WDFY2: variants seen among roughly 807,000 people sequenced by gnomAD.
The protein encoded by WDFY2 is WD repeat and FYVE domain containing 2, also known as WD repeat and FYVE domain-containing protein 2.
WDFY2 carries 36 observed loss-of-function variants against 56.4 expected under a neutral mutation model. The ratio of observed to expected loss-of-function variants is 0.64; its 90% confidence interval spans 0.49 to 0.84. The LOEUF (loss-of-function observed/expected upper bound fraction) is 0.84, where lower values mean the gene tolerates loss of function less well. Among genes scored for constraint, WDFY2 ranks in the 40% least tolerant of loss-of-function variants. The pLI is 0.00. For missense variants in WDFY2, 444 were observed against 512.2 expected (o/e 0.87, Z 1.29); for synonymous variants, 176 against 183.7 (o/e 0.96, Z 0.34).
At chr13:51,745,738 TAAAAAAAAAA>T (rs34880965) in intron 7 of WDFY2, among the ~76,000 whole-genome samples, 954 of 86,340 alleles carry the variant, frequency 0.011, 19 homozygotes, top group African/African-American at 0.04. Flanking sequence ...ATCCTTCATT[TAAAAAAAAAA>T]AAAAAAAAAA....
chr13:51,691,411 A>G (rs1216706124), intron 3 of WDFY2, among the ~76,000 whole-genome samples: 1 of 149,864 alleles, frequency 6.7e-6, no homozygotes, highest in South Asian at 2.1e-4. Context: ...AGCTTTCTAC[A>G]TATGGCTAGC....
At chr13:51,707,939 CT>C (rs56054205) in intron 4 of WDFY2, among the ~76,000 whole-genome samples, 1,361 of 57,390 alleles carry the variant, frequency 0.024, 1 homozygote, top group Non-Finnish European at 0.034. Context: ...CCTAAAACAA[CT>C]TTTTTTTTTT....
In WDFY2 at chr13:51,751,423, G is replaced by A. The variant is rs770183297; in HGVS notation, c.831+8G>A. ...GACGTGGAGAGGCAGGAGGTAGGTGGCACAGCAGGGTGGGGTGGGCCCTGT... is the reference window on the plus strand; with the variant it reads ...GACGTGGAGAGGCAGGAGGTAGGTGACACAGCAGGGTGGGGTGGGCCCTGT... On this transcript the variant is annotated splice_region_variant and intron_variant, in intron 8 of 11. Transcript: ENST00000298125. 3.1e-6 allele frequency: 5 copies of A among 1,613,310 alleles called. No homozygotes were observed. The African/African-American group carries it at 4.0e-5, about 13-fold the overall frequency.
At chr13:51,620,475 GGTCTCT>G (rs1217726285) in intron 1 of WDFY2, among the ~76,000 whole-genome samples, 1 of 151,910 alleles carries the variant, frequency 6.6e-6, no homozygotes, top group Non-Finnish European at 1.5e-5. Flanking sequence ...TTCCCCTCTG[GGTCTCT>G]GTCTTATCCT....
At chr13:51,710,710 AC>A (rs1453200075) in intron 4 of WDFY2, among the ~76,000 whole-genome samples, 44 of 152,340 alleles carry the variant, frequency 2.9e-4, no homozygotes, top group African/African-American at 1.0e-3. Flanking sequence ...AGAATAAAAT[AC>A]CTAGGAATCC....
chr13:51,725,286 G>A (rs543466690), intron 5 of WDFY2, among the ~76,000 whole-genome samples: 3 of 152,224 alleles, frequency 2.0e-5, no homozygotes, highest in South Asian at 4.1e-4. Context: ...AGATTTCTTT[G>A]CAACTCTCTT....
Position 51,642,562 on chromosome 13 carries a change from G to T in WDFY2, c.138-18034G>T, listed in dbSNP as rs1027670800. ...ATCCACCGTGGCCTCCCAATGTGCT[G>T]TAATTAGAAACTTGAGCCACCGTGC... On this transcript the variant is annotated intron_variant, in intron 1 of 11. Transcript: ENST00000298125. 4.6e-5 allele frequency among the ~76,000 whole-genome samples: 7 copies of T among 151,714 alleles called. No individual in the cohort carries two copies. In the East Asian group the frequency reaches 9.7e-4, roughly 21 times the overall value.
At chr13:51,747,823 G>A (rs183186212) in intron 7 of WDFY2, among the ~76,000 whole-genome samples, 12 of 152,314 alleles carry the variant, frequency 7.9e-5, no homozygotes, top group Admixed American at 5.2e-4. Context: ...GAGCCACTGC[G>A]CCTCACCACA....
rs1425571918 is a variant in WDFY2 at position 51,755,389 on chromosome 13, A to G, written c.863A>G (p.Gln288Arg). 1.9e-6 allele frequency: 3 copies of G among 1,614,216 alleles called. No individual in the cohort carries two copies. Among genetic ancestry groups the G allele is most frequent in the Admixed American group, 1.7e-5 (1 of 60,026 alleles). Residue 288 changes from glutamine to arginine, a missense_variant, in exon 9 of 12, where the codon CAA becomes CGA. Physicochemically the swap from Gln to Arg is conservative, Grantham distance 43. Transcript: ENST00000298125. ...TPEWLDSDSC[Q>R]KCDQPFFWNF... ...GAATGGTTGGACAGTGATTCCTGCC[A>G]AAAGTGTGATCAGCCTTTCTTCTGG...
chr13:51,615,744 CTT>C (rs1282588532), intron 1 of WDFY2, among the ~76,000 whole-genome samples: 13 of 152,086 alleles, frequency 8.5e-5, no homozygotes, highest in Non-Finnish European at 8.8e-5. Flanking sequence ...TATGTATACT[CTT>C]TTTGTGACAC....
chr13:51,668,072 TA>T (rs1242232073), intron 2 of WDFY2, among the ~76,000 whole-genome samples: 1 of 151,846 alleles, frequency 6.6e-6, no homozygotes, highest in African/African-American at 2.4e-5. Flanking sequence ...TTTGTATTTT[TA>T]GTAGAGACGG....
At chr13:51,705,439 G>A (rs772385933) in intron 4 of WDFY2, among the ~76,000 whole-genome samples, 7 of 152,124 alleles carry the variant, frequency 4.6e-5, no homozygotes, top group Non-Finnish European at 7.4e-5. Flanking sequence ...AATCTGATAA[G>A]TACAAAATTA....
At chr13:51,700,414 G>A (rs1951957970) in intron 3 of WDFY2, among the ~76,000 whole-genome samples, 1 of 152,118 alleles carries the variant, frequency 6.6e-6, no homozygotes, top group Non-Finnish European at 1.5e-5. Flanking sequence ...AACTTTGGTT[G>A]GTCAATCCTA....
chr13:51,601,053 T>G (rs568179447), intron 1 of WDFY2, among the ~76,000 whole-genome samples: 10 of 152,328 alleles, frequency 6.6e-5, no homozygotes, highest in Admixed American at 1.3e-4. Flanking sequence ...GCCATTGTTA[T>G]GGGACAAATT....
intron 3 of WDFY2, among the ~76,000 whole-genome samples, chr13:51,682,388 A>G (rs1955994549): frequency 6.6e-6 from 1 of 152,234 alleles, no homozygotes; most frequent in African/African-American, 2.4e-5. Context: ...TAAACTCTGC[A>G]AAGCAGGGAC....
Position 51,643,549 on chromosome 13 carries a change from A to G in WDFY2, c.138-17047A>G, listed in dbSNP as rs9568646. Among the ~76,000 whole-genome samples, 1,086 of 152,306 alleles carry G rather than the reference A, an allele frequency of 7.1e-3. 23 individuals are homozygous for G. The East Asian group carries it at 0.078, about 11-fold the overall frequency. ...ATCCCGATTTCTCCTACAGGGTGGTATTGATGAACACTCTCATATTGTTGA... is the reference window on the plus strand; with the variant it reads ...ATCCCGATTTCTCCTACAGGGTGGTGTTGATGAACACTCTCATATTGTTGA... On this transcript the variant is annotated intron_variant, in intron 1 of 11. Coordinates refer to ENST00000298125, the MANE Select transcript of WDFY2 (RefSeq NM_052950.4).
At chr13:51,682,813 A>C (rs144442615) in intron 3 of WDFY2, among the ~76,000 whole-genome samples, 56 of 152,346 alleles carry the variant, frequency 3.7e-4, no homozygotes, top group African/African-American at 1.3e-3. Context: ...TGCAGTAACC[A>C]GGAAGCCTTG....
intron 8 of WDFY2, among the ~76,000 whole-genome samples, chr13:51,753,294 G>C (rs1953279160): frequency 6.6e-6 from 1 of 152,228 alleles, no homozygotes; most frequent in Admixed American, 6.5e-5. Context: ...TGAGAGGATG[G>C]CAGCTAGCTG....
rs939183828 is a variant in WDFY2 at position 51,762,784 on chromosome 13, A to G, written c.*3015A>G. On this transcript the variant is annotated 3_prime_UTR_variant, in exon 12 of 12. Coordinates refer to ENST00000298125, the MANE Select transcript of WDFY2 (RefSeq NM_052950.4). ...TAAACATATAGCAGCTTTTACAAAT[A>G]ATGCCTAACATGCCTGCGCTGAGAA... is the stretch of plus-strand genomic sequence containing the variant. 2 of 152,248 alleles carry G rather than the reference A, an allele frequency of 1.3e-5. No individual in the cohort carries two copies. The highest frequency in any genetic ancestry group is 2.9e-5 in the Non-Finnish European group (2 of 68,042). 9.4% of individuals were successfully genotyped at this position (152,248 alleles called of 1,614,324 possible).
Sources: gnomAD v4.1 joint callset for allele counts (sites outside exome capture counted in the v4.1 genomes callset) on GRCh38, gnomAD v4.1.1 for gene constraint, MANE v1.5 for transcripts, NCBI Gene and HGNC (gene_info 2026-07-23, HGNC 2026-07-21) for gene names.